Variants in RBFOX1 observed in about 807,000 individuals in gnomAD.
RBFOX1 encodes RNA binding fox-1 homolog 1.
RBFOX1 carries 8 observed loss-of-function variants against 57.7 expected under a neutral mutation model. The observed-to-expected ratio is 0.14, with a 90% CI of 0.08 to 0.25. The LOEUF (loss-of-function observed/expected upper bound fraction) is 0.25, where lower values mean the gene tolerates loss of function less well. Ranked by LOEUF, RBFOX1 falls within the 10% of genes least tolerant of loss-of-function variation. The pLI, the probability that RBFOX1 is intolerant of heterozygous loss-of-function variation, is 1.00. For missense variants in RBFOX1, 611 were observed against 548.5 expected (o/e 1.11, Z -1.14); for synonymous variants, 326 against 222.4 (o/e 1.47, Z -4.15).
chr16:5,638,468 C>G (rs1408489745), intron 3 of RBFOX1, among the ~76,000 whole-genome samples: 1 of 152,130 alleles, frequency 6.6e-6, no homozygotes, highest in Non-Finnish European at 1.5e-5. Context: ...CCTCCATTGC[C>G]TCTTACTTTT....
chr16:5,655,023 C>G lies in RBFOX1; in HGVS notation c.318+56062C>G, dbSNP rs74457194. Among the ~76,000 whole-genome samples, 460 of 152,322 alleles carry G rather than the reference C, an allele frequency of 3.0e-3. 3 individuals are homozygous for G. The highest frequency in any genetic ancestry group is 0.011 in the African/African-American group (439 of 41,578). ...TGCACACTGGGTCCAGCCTACGCTT[C>G]CTACCCAGGAGTCCTAGTGAGGACG... is the stretch of plus-strand genomic sequence containing the variant. On this transcript the variant is annotated intron_variant, in intron 3 of 19. Coordinates refer to the RBFOX1 transcript ENST00000641259.
intron 4 of RBFOX1, among the ~76,000 whole-genome samples, chr16:5,929,299 C>G (rs1350214935): frequency 1.3e-5 from 2 of 152,032 alleles, no homozygotes; most frequent in Non-Finnish European, 2.9e-5. Context: ...GGCTCACCTT[C>G]AAGTTCAGTC....
chr16:6,391,764 G>T (rs2092614143), intron 2 of RBFOX1, among the ~76,000 whole-genome samples: 1 of 152,026 alleles, frequency 6.6e-6, no homozygotes, highest in Non-Finnish European at 1.5e-5. Context: ...AGAAGGAGAA[G>T]ATTAAGTACA....
chr16:6,122,812 G>GTGTGTGTGTGTGTGTGTGTGTT (rs762826025), intron 1 of RBFOX1, among the ~76,000 whole-genome samples: 93 of 151,762 alleles, frequency 6.1e-4, no homozygotes, highest in Non-Finnish European at 1.2e-3. Flanking sequence ...ATGTGTGTGT[G>GTGTGTGTGTGTGTGTGTGTGTT]TGTGTGTGTG....
chr16:5,847,074 G>A (rs1254490681), intron 3 of RBFOX1, among the ~76,000 whole-genome samples: 3 of 152,192 alleles, frequency 2.0e-5, no homozygotes, highest in Non-Finnish European at 4.4e-5. Flanking sequence ...TCTTGTAGCA[G>A]GGAATAGGGA....
Position 6,846,395 on chromosome 16 carries a change from G to A in RBFOX1, c.-16+191745G>A, listed in dbSNP as rs558581964. On this transcript the variant is annotated intron_variant, in intron 3 of 15. Coordinates refer to ENST00000550418, the MANE Select transcript of RBFOX1 (RefSeq NM_018723.4). ...AGCAAGCTGTATTGCTGAAAAGCAG[G>A]CCTTTTCCAGTAAGAACATGGACAA... is the stretch of plus-strand genomic sequence containing the variant. 1.2e-4 allele frequency among the ~76,000 whole-genome samples: 19 copies of A among 152,288 alleles called. 1 individual carries two copies. The highest frequency in any genetic ancestry group is 5.9e-5 in the Non-Finnish European group (4 of 68,024).
At chr16:7,548,379 A>G (rs2085241106) in intron 5 of RBFOX1, among the ~76,000 whole-genome samples, 1 of 151,590 alleles carries the variant, frequency 6.6e-6, no homozygotes, top group Non-Finnish European at 1.5e-5. Context: ...CTGGTCTTGA[A>G]CTCCCAACCT....
chr16:5,929,307 G>A (rs758472), intron 4 of RBFOX1, among the ~76,000 whole-genome samples: 1 of 151,832 alleles, frequency 6.6e-6, no homozygotes, highest in Non-Finnish European at 1.5e-5. Context: ...TTCAAGTTCA[G>A]TCTTAAGCCT....
intron 3 of RBFOX1, among the ~76,000 whole-genome samples, chr16:6,828,819 A>C (rs2092449110): frequency 6.6e-6 from 1 of 152,138 alleles, no homozygotes; most frequent in Admixed American, 6.5e-5. Flanking sequence ...ATGGCATCAC[A>C]ATTCTAAGAA....
chr16:6,206,179 C>T (rs748857810), intron 1 of RBFOX1, among the ~76,000 whole-genome samples: 3 of 152,144 alleles, frequency 2.0e-5, no homozygotes, highest in Non-Finnish European at 4.4e-5. Flanking sequence ...TCTCTTGCCT[C>T]TCTCCCCTGG....
intron 3 of RBFOX1, among the ~76,000 whole-genome samples, chr16:6,680,994 C>T (rs1456813745): frequency 6.6e-6 from 1 of 152,152 alleles, no homozygotes; most frequent in African/African-American, 2.4e-5. Flanking sequence ...CTTCAAATTT[C>T]TGTACTGGTC....
In RBFOX1 at chr16:5,771,448, G is replaced by A. The variant is rs1409851293; in HGVS notation, c.319-95855G>A. Among the ~76,000 whole-genome samples the A allele has an allele frequency of 2.6e-5, 4 of 152,206 alleles. No individual in the cohort carries two copies. In the South Asian group the frequency reaches 8.3e-4, roughly 31 times the overall value. ...TCTTGAGGTGGAGTCTCCCTCCGTA[G>A]TCCAGGCTGGAGTGCAGTAGAATGA... On this transcript the variant is annotated intron_variant, in intron 3 of 19. Transcript: ENST00000641259.
chr16:6,200,352 T>C (rs2097207214), intron 1 of RBFOX1, among the ~76,000 whole-genome samples: 1 of 152,084 alleles, frequency 6.6e-6, no homozygotes, highest in Non-Finnish European at 1.5e-5. Flanking sequence ...GTTTTAAGCA[T>C]CTGCGATGTA....
chr16:7,043,125 C>G (rs759189340), intron 3 of RBFOX1, among the ~76,000 whole-genome samples: 9 of 147,394 alleles, frequency 6.1e-5, no homozygotes, highest in African/African-American at 2.3e-4. Context: ...GAGGTCCTCC[C>G]GCCCAACTCC....
In RBFOX1 at chr16:6,587,508, C is replaced by T. The variant is rs902448515; in HGVS notation, c.-63-67095C>T. Among the ~76,000 whole-genome samples the T allele has an allele frequency of 1.8e-4, 28 of 152,104 alleles. 1 individual carries two copies. The highest frequency in any genetic ancestry group is 1.8e-3 in the Admixed American group (27 of 15,280). On this transcript the variant is annotated intron_variant, in intron 2 of 15. Coordinates refer to ENST00000550418, the MANE Select transcript of RBFOX1 (RefSeq NM_018723.4). ...TGTTGGCCAGGGTGGTCTTGAACTCCTGACCTAAAGTGATCCACCTGCCTC... is the reference window on the plus strand; with the variant it reads ...TGTTGGCCAGGGTGGTCTTGAACTCTTGACCTAAAGTGATCCACCTGCCTC...
chr16:5,757,730 C>T (rs930809081), intron 3 of RBFOX1, among the ~76,000 whole-genome samples: 1 of 152,232 alleles, frequency 6.6e-6, no homozygotes, highest in East Asian at 1.9e-4. Context: ...GGTCCTCATC[C>T]CCACTTCACA....
intron 3 of RBFOX1, among the ~76,000 whole-genome samples, chr16:6,868,447 C>G (rs960027826): frequency 6.6e-6 from 1 of 151,860 alleles, no homozygotes; most frequent in Non-Finnish European, 1.5e-5. Context: ...AGGAAAGTCA[C>G]ATTCAAGCCA....
chr16:6,527,960 C>T (rs1017255294), intron 2 of RBFOX1, among the ~76,000 whole-genome samples: 9 of 152,042 alleles, frequency 5.9e-5, no homozygotes, highest in Non-Finnish European at 1.0e-4. Context: ...ATCGCTGAAC[C>T]GTCATTTCCT....
At chr16:6,815,551 C>G (rs1161019301) in intron 3 of RBFOX1, among the ~76,000 whole-genome samples, 1 of 152,186 alleles carries the variant, frequency 6.6e-6, no homozygotes, top group Non-Finnish European at 1.5e-5. Flanking sequence ...TTATGCCAGT[C>G]TCTATCCATA....
Sources: allele counts gnomAD v4.1 joint callset (sites outside exome capture counted in the v4.1 genomes callset), GRCh38; gene constraint gnomAD v4.1.1; transcripts MANE v1.5; gene names NCBI Gene and HGNC (gene_info 2026-07-23, HGNC 2026-07-21).